DEPDC5: variants seen among roughly 807,000 people sequenced by gnomAD.
DEPDC5 encodes the protein GATOR1 complex protein DEPDC5.
In DEPDC5, 73 loss-of-function variants were observed where a neutral mutation model predicts 217.3. That is an observed-to-expected ratio of 0.34 (90% confidence interval 0.28 to 0.41). The LOEUF (loss-of-function observed/expected upper bound fraction) is 0.41. Ranked by LOEUF, DEPDC5 falls within the 10% of genes least tolerant of loss-of-function variation. The probability of loss-of-function intolerance (pLI) is 1.00; values close to 1 mark genes in which losing one functional copy is unlikely to be tolerated. For synonymous variants in DEPDC5, 733 were observed against 756.7 expected (o/e 0.97, Z 0.51); for missense variants, 1,675 against 2,070.1 (o/e 0.81, Z 3.70).
At chr22:31,793,817 ACCTCGG>A (rs1042858445) in intron 12 of DEPDC5, among the ~76,000 whole-genome samples, 3 of 152,028 alleles carry the variant, frequency 2.0e-5, no homozygotes, top group African/African-American at 7.2e-5. Context: ...TGATCCACCC[ACCTCGG>A]CCTCCCAAAA....
chr22:31,904,865 T>TA lies in DEPDC5; in HGVS notation c.4437-1113dup, dbSNP rs144535730. Among the ~76,000 whole-genome samples the TA allele has an allele frequency of 9.9e-3, 1,510 of 152,210 alleles. 20 individuals carry two copies. The highest frequency in any genetic ancestry group is 0.033 in the African/African-American group (1,388 of 41,534). Reference sequence around the variant, plus strand: ...ATATTTGACTTCATGTATTCTTTGGTAAAAAATTATGGAATGCAGATTATG... The same window carrying TA: ...ATATTTGACTTCATGTATTCTTTGGTAAAAAAATTATGGAATGCAGATTATG... On this transcript the variant is annotated intron_variant, in intron 41 of 42. Transcript: ENST00000651528.
intron 39 of DEPDC5, 150 bp from the exon 40 acceptor site, chr22:31,897,332 A>G: frequency 2.0e-6 from 2 of 1,020,180 alleles, no homozygotes; most frequent in African/African-American, 1.6e-5. Context: ...TTGCCTGTCC[A>G]GGACCAATTT....
chr22:31,864,854 A>T (rs59600623), intron 33 of DEPDC5, among the ~76,000 whole-genome samples: 6,833 of 151,740 alleles, frequency 0.045, 217 homozygotes, highest in Non-Finnish European at 0.052. Context: ...ACAGCCAGAT[A>T]TTTTTTTTGT....
intron 4 of DEPDC5, among the ~76,000 whole-genome samples, chr22:31,763,643 A>G (rs1373550868): frequency 6.6e-6 from 1 of 150,836 alleles, no homozygotes; most frequent in Non-Finnish European, 1.5e-5. Context: ...ATTTTTGCTC[A>G]GGCTGGTCTT....
chr22:31,825,057 A>T (rs1308849739), intron 24 of DEPDC5, among the ~76,000 whole-genome samples: 1 of 151,864 alleles, frequency 6.6e-6, no homozygotes, highest in Non-Finnish European at 1.5e-5. Flanking sequence ...ATTTTTAGGA[A>T]CCCAGAGTTT....
chr22:31,891,428 T>G (rs2149365252), intron 38 of DEPDC5: 1 of 259,366 alleles, frequency 3.9e-6, no homozygotes, highest in South Asian at 4.0e-5. Flanking sequence ...GCTCTCATAT[T>G]CATCTTGCTA....
chr22:31,903,536 ACCCTCCCCCC>A, intron 41 of DEPDC5, among the ~76,000 whole-genome samples: 1 of 13,268 alleles, frequency 7.5e-5, no homozygotes, highest in African/African-American at 3.8e-4. Flanking sequence ...TTCCACACCT[ACCCTCCCCCC>A]ATCTTCCACA....
intron 18 of DEPDC5, 75 bp downstream of exon 18, chr22:31,806,266 G>T: frequency 7.6e-7 from 1 of 1,308,786 alleles, no homozygotes; most frequent in Non-Finnish European, 1.1e-6. Flanking sequence ...GACTCAATCA[G>T]TCCTCCTGTT....
chr22:31,807,643 G>T (rs1602024387), intron 18 of DEPDC5, among the ~76,000 whole-genome samples: 1 of 152,122 alleles, frequency 6.6e-6, no homozygotes, highest in Non-Finnish European at 1.5e-5. Flanking sequence ...TGTTGGCCAG[G>T]GTTGTCTCAA....
At chr22:31,880,690 A>C (rs2093149769) in intron 38 of DEPDC5, among the ~76,000 whole-genome samples, 1 of 152,078 alleles carries the variant, frequency 6.6e-6, no homozygotes, top group Admixed American at 6.6e-5. Flanking sequence ...ACTTGAGGTC[A>C]GGAGTTCAAG....
intron 26 of DEPDC5, among the ~76,000 whole-genome samples, 165 bp from the exon 27 acceptor site, chr22:31,838,520 G>A (rs1427145308): frequency 6.6e-6 from 1 of 152,128 alleles, no homozygotes; most frequent in Non-Finnish European, 1.5e-5. Context: ...CAGAGTGCTA[G>A]GATTACAGAC....
Position 31,806,130 on chromosome 22 carries a change from C to G in DEPDC5, c.1226C>G (p.Thr409Arg), listed in dbSNP as rs773704927. Reference protein sequence around the residue: ...IPHWINHSFYTSKSQLFCNSF... With the variant: ...IPHWINHSFYRSKSQLFCNSF... ...GTTTGTTTCTTTTACAGTTTCTACACATCCAAAAGCCAGCTCTTTTGTAAT... is the reference window on the plus strand; with the variant it reads ...GTTTGTTTCTTTTACAGTTTCTACAGATCCAAAAGCCAGCTCTTTTGTAAT... Residue 409 changes from threonine (T) to arginine (R), a missense_variant, in exon 18 of 43, where the codon ACA (threonine) becomes AGA (arginine). Coordinates refer to ENST00000651528, the MANE Select transcript of DEPDC5 (RefSeq NM_001242896.3). 14 of 1,613,348 alleles carry G rather than the reference C, an allele frequency of 8.7e-6. No homozygotes were observed. The highest frequency in any genetic ancestry group is 1.2e-5 in the Non-Finnish European group (14 of 1,179,602).
At position 31,906,724 on chromosome 22, in the gene DEPDC5, C is replaced by T. The variant is rs1603021318; in HGVS notation, c.*227C>T. 1.6e-6 allele frequency: 1 copy of T among 611,880 alleles called. No individual in the cohort carries two copies. The highest frequency in any genetic ancestry group is 2.8e-6 in the Non-Finnish European group (1 of 352,418). The allele number at this position is 611,880 out of a possible 1,614,324, so 37.9% of individuals were successfully genotyped here. ...TGGAAGCAGCTGCTGCTGCTGCCACCACTCCTGTCAGCAAGTGCTCAGAGC... is the reference window on the plus strand; with the variant it reads ...TGGAAGCAGCTGCTGCTGCTGCCACTACTCCTGTCAGCAAGTGCTCAGAGC... On this transcript the variant is annotated 3_prime_UTR_variant, in exon 43 of 43. Transcript: ENST00000651528. This position sits in a 1 kb window ranked among gnomAD's most constrained non-coding sequence, Gnocchi z 5.1.
intron 1 of DEPDC5, 97 bp from the exon 2 acceptor site, chr22:31,754,765 G>A: frequency 1.3e-6 from 1 of 758,838 alleles, no homozygotes; most frequent in Admixed American, 2.5e-5. Context: ...CCACTTCACA[G>A]CAGAGGAACA....
intron 31 of DEPDC5, among the ~76,000 whole-genome samples, chr22:31,856,153 GCGCACACA>G (rs2092284092): frequency 3.7e-5 from 4 of 108,264 alleles, no homozygotes; most frequent in South Asian, 6.2e-4. Flanking sequence ...TTGGGCCAAC[GCGCACACA>G]CACACACACA....
At chr22:31,833,539 G>A (rs1308622789) in intron 24 of DEPDC5, among the ~76,000 whole-genome samples, 3 of 152,202 alleles carry the variant, frequency 2.0e-5, no homozygotes, top group Non-Finnish European at 4.4e-5. Flanking sequence ...CCAGGTTGGA[G>A]TGCAGTGGCA....
chr22:31,795,845 CTCAGCCTCTCGAGTAGCTGGGAT>C (rs1337239687), intron 12 of DEPDC5, among the ~76,000 whole-genome samples: 2 of 152,036 alleles, frequency 1.3e-5, no homozygotes, highest in Non-Finnish European at 2.9e-5. Flanking sequence ...ATTCTCTTGC[CTCAGCCTCTCGAGTAGCTGGGAT>C]TACAGGCATG....
In DEPDC5 at chr22:31,778,462, C is replaced by T. The variant is rs547053300; in HGVS notation, c.483+294C>T. On this transcript the variant is annotated intron_variant, in intron 8 of 42. Transcript: ENST00000651528. ...CATGATTGCATCACTGCACTCCAGC[C>T]TGGGCAACAGAGCAAGACCCCATCT... Among the ~76,000 whole-genome samples the T allele has an allele frequency of 2.6e-5, 4 of 152,248 alleles. No homozygotes were observed. The East Asian group carries it at 5.8e-4, about 22-fold the overall frequency.
chr22:31,829,755 G>T (rs973380479), intron 24 of DEPDC5, among the ~76,000 whole-genome samples: 6 of 152,092 alleles, frequency 3.9e-5, no homozygotes, highest in African/African-American at 1.4e-4. Flanking sequence ...TGGGGACCTG[G>T]TAGCTGCAGT....
Sources: gnomAD v4.1 joint callset for allele counts (sites outside exome capture counted in the v4.1 genomes callset) on GRCh38, gnomAD v4.1.1 for gene constraint, Gnocchi (gnomAD v3.1) non-coding constraint, MANE v1.5 for transcripts, NCBI Gene and HGNC (gene_info 2026-07-23, HGNC 2026-07-21) for gene names.